LMNB1: variants seen among roughly 807,000 people sequenced by gnomAD.
LMNB1 encodes lamin-B1.
In LMNB1, 23 loss-of-function variants were observed where a neutral mutation model predicts 67.1. The ratio of observed to expected loss-of-function variants is 0.34; its 90% CI spans 0.25 to 0.49. The LOEUF is 0.49. Among genes scored for constraint, LMNB1 ranks in the 20% least tolerant of loss-of-function variants. The probability of loss-of-function intolerance (pLI) is 0.99; values close to 1 mark genes in which losing one functional copy is unlikely to be tolerated. For synonymous variants in LMNB1, 281 were observed against 282.9 expected (o/e 0.99, Z 0.07); for missense variants, 634 against 746.5 (o/e 0.85, Z 1.76).
At chr5:126,783,839 AGT>A (rs1273189335) in intron 1 of LMNB1, among the ~76,000 whole-genome samples, 3 of 151,782 alleles carry the variant, frequency 2.0e-5, no homozygotes, top group Non-Finnish European at 1.5e-5. Flanking sequence ...TTATGCCATT[AGT>A]GTAAGTCTCT....
intron 5 of LMNB1, among the ~76,000 whole-genome samples, chr5:126,816,197 A>G (rs1212705212): frequency 6.6e-6 from 1 of 152,224 alleles, no homozygotes; most frequent in Non-Finnish European, 1.5e-5. Context: ...ACGCAGTTAA[A>G]TGCAAGTTCT....
intron 9 of LMNB1, among the ~76,000 whole-genome samples, chr5:126,832,216 C>A (rs927119997): frequency 1.3e-5 from 2 of 152,070 alleles, no homozygotes; most frequent in Non-Finnish European, 2.9e-5. Context: ...TTCAGTGAAC[C>A]GAGGTCATGC....
At chr5:126,826,708 A>G (rs1279479844) in intron 9 of LMNB1, among the ~76,000 whole-genome samples, 1 of 152,152 alleles carries the variant, frequency 6.6e-6, no homozygotes, top group Non-Finnish European at 1.5e-5. Context: ...TAGAAATACT[A>G]CTTCCTAATA....
At chr5:126,794,997 CAG>C (rs1751051227) in intron 1 of LMNB1, among the ~76,000 whole-genome samples, 2 of 152,212 alleles carry the variant, frequency 1.3e-5, no homozygotes, top group Admixed American at 1.3e-4. Flanking sequence ...TAATGAGCTT[CAG>C]ATTATGTTGT....
chr5:126,815,779 A>G (rs1325739409), intron 5 of LMNB1, among the ~76,000 whole-genome samples: 2 of 152,222 alleles, frequency 1.3e-5, no homozygotes, highest in African/African-American at 4.8e-5. Context: ...TGTGTTCCTT[A>G]TATTTCACTA....
At chr5:126,799,034 T>A (rs1751191248) in intron 1 of LMNB1, among the ~76,000 whole-genome samples, 1 of 151,650 alleles carries the variant, frequency 6.6e-6, no homozygotes, top group African/African-American at 2.4e-5. Context: ...TTTTTTTTTT[T>A]TTTGAGACGG....
intron 9 of LMNB1, among the ~76,000 whole-genome samples, chr5:126,826,467 A>T (rs1752001212): frequency 6.6e-6 from 1 of 152,212 alleles, no homozygotes; most frequent in African/African-American, 2.4e-5. Context: ...GTACTTGGGA[A>T]ATGCTTGGAA....
At chr5:126,791,035 A>G (rs1750942212) in intron 1 of LMNB1, among the ~76,000 whole-genome samples, 1 of 151,584 alleles carries the variant, frequency 6.6e-6, no homozygotes, top group African/African-American at 2.4e-5. Flanking sequence ...AAATAAATAA[A>G]TAAACAAATA....
chr5:126,777,887 C>T lies in LMNB1; in HGVS notation c.359+20C>T, dbSNP rs1194590360. ...CCTCAAGTGAGTGCTAGCTGGCGGC[C>T]GCGTTAGCGCCAAGGAGGGGCGGGG... On this transcript the variant is annotated intron_variant, in intron 1 of 10. Coordinates refer to ENST00000261366, the MANE Select transcript of LMNB1 (RefSeq NM_005573.4). 3 of 1,378,080 alleles carry T rather than the reference C, an allele frequency of 2.2e-6. No homozygotes were observed. Among genetic ancestry groups the T allele is most frequent in the Non-Finnish European group, 2.8e-6 (3 of 1,067,032 alleles). The allele number at this position is 1,378,080 out of a possible 1,614,324, so 85.4% of individuals were successfully genotyped here.
intron 1 of LMNB1, among the ~76,000 whole-genome samples, chr5:126,800,299 T>C (rs1253942600): frequency 6.6e-6 from 1 of 152,188 alleles, no homozygotes; most frequent in Admixed American, 6.6e-5. Context: ...CCAAGTGCTG[T>C]GGAGCCCAGA....
chr5:126,827,542 T>C (rs926386965), intron 9 of LMNB1, among the ~76,000 whole-genome samples: 4 of 152,136 alleles, frequency 2.6e-5, no homozygotes, highest in African/African-American at 9.7e-5. Flanking sequence ...GTGCCTGTAG[T>C]CCAGGCTACT....
chr5:126,814,146 C>T (rs1157240044), intron 5 of LMNB1, among the ~76,000 whole-genome samples: 1 of 152,224 alleles, frequency 6.6e-6, no homozygotes, highest in Non-Finnish European at 1.5e-5. Context: ...CCGCCCGCCT[C>T]AGCCTCCCAA....
At chr5:126,832,135 G>C (rs988798556) in intron 9 of LMNB1, among the ~76,000 whole-genome samples, 5 of 152,116 alleles carry the variant, frequency 3.3e-5, no homozygotes, top group Non-Finnish European at 7.4e-5. Context: ...GCACGTGGTG[G>C]TGCATGCCTG....
At chr5:126,821,174 T>C (rs2126729427) in intron 7 of LMNB1, 39 bp downstream of exon 7, 1 of 1,344,610 alleles carries the variant, frequency 7.4e-7, no homozygotes, top group South Asian at 1.2e-5. Context: ...CAAGGCTTTG[T>C]GGATTGCTAG....
chr5:126,813,758 C>T (rs1751635844), intron 5 of LMNB1, among the ~76,000 whole-genome samples: 1 of 152,196 alleles, frequency 6.6e-6, no homozygotes, highest in Non-Finnish European at 1.5e-5. Context: ...ATCCCATTCA[C>T]TAGGGCTTTC....
At chr5:126,807,415 G>C (rs1302993084) in intron 3 of LMNB1, among the ~76,000 whole-genome samples, 8 of 152,150 alleles carry the variant, frequency 5.3e-5, no homozygotes, top group Non-Finnish European at 2.9e-5. Flanking sequence ...ATTAGTGCAA[G>C]GTGCACCAGA....
At chr5:126,827,954 A>T (rs1157352310) in intron 9 of LMNB1, among the ~76,000 whole-genome samples, 1 of 152,194 alleles carries the variant, frequency 6.6e-6, no homozygotes, top group East Asian at 1.9e-4. Context: ...TAGAGGAAGC[A>T]CACTGAGGGC....
At chr5:126,785,865 T>C (rs2112925349) in intron 1 of LMNB1, among the ~76,000 whole-genome samples, 1 of 151,688 alleles carries the variant, frequency 6.6e-6, no homozygotes, top group Middle Eastern at 3.4e-3. Context: ...AATACAAAAA[T>C]TAGCCGGGCA....
intron 5 of LMNB1, among the ~76,000 whole-genome samples, chr5:126,814,166 A>G (rs1751648009): frequency 6.6e-6 from 1 of 152,204 alleles, no homozygotes; most frequent in Non-Finnish European, 1.5e-5. Flanking sequence ...AAGTGTTGGG[A>G]TTATAGGCGT....
Sources: allele counts gnomAD v4.1 joint callset (sites outside exome capture counted in the v4.1 genomes callset), GRCh38; gene constraint gnomAD v4.1.1; transcripts MANE v1.5; gene names NCBI Gene and HGNC (gene_info 2026-07-23, HGNC 2026-07-21).